CLEC16A: variants seen among roughly 807,000 people sequenced by gnomAD.
The protein encoded by CLEC16A is protein CLEC16A.
CLEC16A carries 51 observed loss-of-function variants against 109.5 expected under a neutral mutation model. The ratio of observed to expected loss-of-function variants is 0.47; its 90% confidence interval spans 0.37 to 0.59. The LOEUF is 0.59. CLEC16A is among the 20% of genes least tolerant of loss of function. The pLI, the probability that CLEC16A is intolerant of heterozygous loss-of-function variation, is 0.00. For synonymous variants in CLEC16A, 673 were observed against 564.2 expected, an observed-to-expected ratio of 1.19 and a Z score of -2.73; for missense variants, 1,339 against 1,394.0, an observed-to-expected ratio of 0.96 and a Z score of 0.63.
chr16:11,082,332 G>A, intron 19 of CLEC16A, among the ~76,000 whole-genome samples: 1 of 152,210 alleles, frequency 6.6e-6, no homozygotes. Flanking sequence ...CCAGGTGGCT[G>A]CCACTTCCCC....
chr16:10,972,615 C>G, intron 6 of CLEC16A, 56 bp downstream of exon 6: 1 of 1,503,588 alleles, frequency 6.7e-7, no homozygotes, highest in Non-Finnish European at 9.2e-7. Flanking sequence ...TATGTAAATA[C>G]CTTGCTTGAG....
chr16:10,983,221 G>A (rs1157086243), intron 10 of CLEC16A, among the ~76,000 whole-genome samples: 28 of 152,204 alleles, frequency 1.8e-4, no homozygotes, highest in Admixed American at 1.8e-3. Flanking sequence ...ACATGGAATT[G>A]TACCACTCCG....
chr16:11,146,209 C>G (rs1473457878), intron 22 of CLEC16A, among the ~76,000 whole-genome samples: 2 of 152,198 alleles, frequency 1.3e-5, no homozygotes, highest in Non-Finnish European at 2.9e-5. Context: ...CCAGGGGTCT[C>G]TACCTTGCTC....
chr16:10,971,217 G>A lies in CLEC16A; in HGVS notation c.585G>A (p.Leu195=). ...GAATTGCTGTAAGAACCATAACTTT[G>A]AATGTCTATAAAGGTAAGTGTCCTC... ...MVRIAVRTIT[L]NVYKVSLDNQ... Residue 195 remains leucine, a synonymous_variant, in exon 5 of 24, where the codon TTG becomes TTA. Transcript: ENST00000409790. The A allele has an allele frequency of 1.2e-6, 2 of 1,611,788 alleles. No homozygotes were observed. Among genetic ancestry groups the A allele is most frequent in the South Asian group, 1.1e-5 (1 of 90,876 alleles).
chr16:11,051,025 T>C (rs2047911087), intron 17 of CLEC16A, among the ~76,000 whole-genome samples: 1 of 152,110 alleles, frequency 6.6e-6, no homozygotes, highest in African/African-American at 2.4e-5. Context: ...ATCAGCAAAG[T>C]GGGAAGCAGC....
At position 11,039,746 on chromosome 16, in the gene CLEC16A, T is replaced by C. The variant is rs2047216654; in HGVS notation, c.1538-8T>C. 6.3e-7 allele frequency: 1 copy of C among 1,593,630 alleles called. No individual in the cohort carries two copies. Among genetic ancestry groups the C allele is most frequent in the Admixed American group, 1.8e-5 (1 of 57,110 alleles). On this transcript the variant is annotated splice_polypyrimidine_tract_variant and splice_region_variant and intron_variant, in intron 13 of 23. Coordinates refer to ENST00000409790, the MANE Select transcript of CLEC16A (RefSeq NM_015226.3). ...GGCCTCCACTTACATCCTTCTCCTC[T>C]GTTCCAGGCATGGATCCTGAAAAAT...
chr16:10,985,370 T>G (rs2043579912), intron 10 of CLEC16A, among the ~76,000 whole-genome samples: 1 of 151,808 alleles, frequency 6.6e-6, no homozygotes, highest in Non-Finnish European at 1.5e-5. Context: ...ATTTTTGGAA[T>G]CTTCTCCAAC....
At chr16:11,149,085 G>C (rs570686728) in intron 22 of CLEC16A, among the ~76,000 whole-genome samples, 1 of 152,358 alleles carries the variant, frequency 6.6e-6, no homozygotes, top group East Asian at 1.9e-4. Context: ...GAGAGATGGT[G>C]AATCAAAGTG....
chr16:10,946,912 C>A (rs1338688063), intron 1 of CLEC16A, among the ~76,000 whole-genome samples: 1 of 152,216 alleles, frequency 6.6e-6, no homozygotes, highest in Non-Finnish European at 1.5e-5. Flanking sequence ...ATTTGACTCC[C>A]GAGCTTGTGC....
intron 19 of CLEC16A, among the ~76,000 whole-genome samples, chr16:11,090,634 TTC>T (rs548821884): frequency 2.0e-5 from 3 of 152,030 alleles, no homozygotes; most frequent in South Asian, 4.1e-4. Context: ...GGATTTTTGT[TTC>T]TATTTTATTT....
intron 22 of CLEC16A, among the ~76,000 whole-genome samples, chr16:11,162,535 C>G (rs1479562713): frequency 6.6e-6 from 1 of 152,236 alleles, no homozygotes; most frequent in African/African-American, 2.4e-5. Context: ...ACCTGCTTCT[C>G]TCACTGTGTC....
chr16:10,960,492 G>A (rs1390216800), intron 2 of CLEC16A, among the ~76,000 whole-genome samples: 3 of 152,150 alleles, frequency 2.0e-5, no homozygotes, highest in African/African-American at 2.4e-5. Context: ...TCATCACAAG[G>A]CATTCACAAT....
rs2068962252 is a variant in CLEC16A at position 11,181,674 on chromosome 16, A to AG, written c.*2988dup. ...TTCACCATCGCGTGGGATTGGGAGGAGGGGCCTCCGTGAGCAGCCCCTCCT... is the reference window on the plus strand; with the variant it reads ...TTCACCATCGCGTGGGATTGGGAGGAGGGGGCCTCCGTGAGCAGCCCCTCCT... On this transcript the variant is annotated 3_prime_UTR_variant, in exon 24 of 24. Coordinates refer to ENST00000409790, the MANE Select transcript of CLEC16A (RefSeq NM_015226.3). The AG allele has an allele frequency of 6.6e-6, 1 of 152,198 alleles. No individual in the cohort carries two copies. Among genetic ancestry groups the AG allele is most frequent in the Admixed American group, 6.5e-5 (1 of 15,272 alleles). The allele number at this position is 152,198 out of a possible 1,614,324, so 9.4% of individuals were successfully genotyped here. A position where few individuals can be genotyped will look rare whatever the true frequency, so the allele number is the denominator to read the frequency against.
At chr16:11,170,273 C>G (rs909356936) in intron 23 of CLEC16A, among the ~76,000 whole-genome samples, 4 of 152,200 alleles carry the variant, frequency 2.6e-5, no homozygotes, top group South Asian at 2.1e-4. Flanking sequence ...ACAACCCCAG[C>G]CAGCAGAAGG....
intron 19 of CLEC16A, among the ~76,000 whole-genome samples, chr16:11,065,107 T>C (rs2152914456): frequency 6.6e-6 from 1 of 152,340 alleles, no homozygotes; most frequent in South Asian, 2.1e-4. Flanking sequence ...GTATCCCGTC[T>C]AGGCTGTGAG....
At chr16:11,094,504 A>G (rs1367937155) in intron 19 of CLEC16A, among the ~76,000 whole-genome samples, 1 of 152,212 alleles carries the variant, frequency 6.6e-6, no homozygotes, top group Non-Finnish European at 1.5e-5. Context: ...GAGCCACACA[A>G]GGCCTTGCCT....
chr16:11,107,265 A>C (rs1400018982), intron 19 of CLEC16A, among the ~76,000 whole-genome samples: 1 of 150,212 alleles, frequency 6.7e-6, no homozygotes, highest in Non-Finnish European at 1.5e-5. Flanking sequence ...TTTCCTCTTC[A>C]TGTTAGAGGG....
chr16:10,983,634 T>A (rs1466487509), intron 10 of CLEC16A, among the ~76,000 whole-genome samples: 2 of 152,194 alleles, frequency 1.3e-5, no homozygotes, highest in African/African-American at 2.4e-5. Flanking sequence ...AAACACCTGA[T>A]GGCCAGTGTT....
rs2041249617 is a variant in CLEC16A at position 10,944,710 on chromosome 16, C to T, written c.-8C>T. 6 of 1,602,110 alleles carry T rather than the reference C, an allele frequency of 3.7e-6. No individual in the cohort carries two copies. The highest frequency in any genetic ancestry group is 3.4e-5 in the South Asian group (3 of 89,044). The stretch of plus-strand genomic sequence containing the variant: ...CCGTGAGACGAGAGACGGGTCGGGG[C>T]CGCCGACATGTTTGGCCGCTCGCGG... On this transcript the variant is annotated 5_prime_UTR_variant, in exon 1 of 24. Transcript: ENST00000409790.
Sources: gnomAD v4.1 joint callset for allele counts (sites outside exome capture counted in the v4.1 genomes callset) on GRCh38, gnomAD v4.1.1 for gene constraint, MANE v1.5 for transcripts, NCBI Gene and HGNC (gene_info 2026-07-23, HGNC 2026-07-21) for gene names.